Variants in KLF8 observed in about 807,000 individuals in gnomAD.
KLF8 encodes the protein KLF transcription factor 8.
KLF8 carries 10 observed loss-of-function variants against 18.2 expected under a neutral mutation model. The ratio of observed to expected loss-of-function variants is 0.55; its 90% CI spans 0.34 to 0.93. The LOEUF (loss-of-function observed/expected upper bound fraction) is 0.93. Ranked by LOEUF, KLF8 falls within the 40% of genes least tolerant of loss-of-function variation. KLF8 has a pLI of 0.02. For missense variants in KLF8, 264 were observed against 277.9 expected, an observed-to-expected ratio of 0.95 and a Z score of 0.36; for synonymous variants, 109 against 97.3, an observed-to-expected ratio of 1.12 and a Z score of -0.71.
the KLF8 span, among the ~76,000 whole-genome samples, chrX:56,200,256 C>T: frequency 9.1e-6 from 1 of 109,320 alleles, no homozygotes; most frequent in Non-Finnish European, 1.9e-5. Context: ...AACTCATAAA[C>T]GTAAACACAT....
At chrX:56,100,948 C>A in the KLF8 span, among the ~76,000 whole-genome samples, 8 of 111,833 alleles carry the variant, frequency 7.2e-5, no homozygotes, top group Admixed American at 1.9e-4. Flanking sequence ...ACTATCATTA[C>A]AATCTATTAT....
chrX:55,960,940 A>G, the KLF8 span, among the ~76,000 whole-genome samples: 1 of 111,449 alleles, frequency 9.0e-6, no homozygotes, highest in Non-Finnish European at 1.9e-5. Context: ...TCTTCAAGAG[A>G]CCCATCTCAT....
At chrX:56,100,027 C>T in the KLF8 span, among the ~76,000 whole-genome samples, 1 of 111,608 alleles carries the variant, frequency 9.0e-6, no homozygotes, top group Non-Finnish European at 1.9e-5. Context: ...ATCTGGGACT[C>T]TCATACCTAG....
At chrX:56,283,364 C>CTATTT (rs917069777) in intron 5 of KLF8, among the ~76,000 whole-genome samples, 11 of 111,188 alleles carry the variant, frequency 9.9e-5, no homozygotes, top group South Asian at 3.9e-4. Context: ...ATATATGGCT[C>CTATTT]TATTTTATTT....
In KLF8 at chrX:56,273,172, T is replaced by C. The variant is rs1315498567; in HGVS notation, c.898+2851T>C. 3.6e-5 allele frequency among the ~76,000 whole-genome samples: 4 copies of C among 111,674 alleles called. No individual in the cohort carries two copies. In the East Asian group the frequency reaches 1.1e-3, roughly 31 times the overall value. Reference sequence around the variant, plus strand: ...ATCAGTACGAACAATTATTTTTATTTTATTCTCATATTTTGTGGGTACGTA... The same window carrying C: ...ATCAGTACGAACAATTATTTTTATTCTATTCTCATATTTTGTGGGTACGTA... On this transcript the variant is annotated intron_variant, in intron 5 of 5. Transcript: ENST00000468660.
chrX:56,079,953 A>G, the KLF8 span, among the ~76,000 whole-genome samples: 3 of 110,836 alleles, frequency 2.7e-5, no homozygotes, highest in Non-Finnish European at 5.7e-5. Flanking sequence ...CTGTTTTATC[A>G]GAGACTAGGA....
the KLF8 span, among the ~76,000 whole-genome samples, chrX:56,002,231 G>A: frequency 1.8e-5 from 2 of 111,105 alleles, no homozygotes; most frequent in Non-Finnish European, 3.8e-5. Flanking sequence ...TGTTCTCTTG[G>A]CCTGGTATTC....
chrX:55,970,449 C>T, the KLF8 span, among the ~76,000 whole-genome samples: 1 of 111,128 alleles, frequency 9.0e-6, no homozygotes, highest in African/African-American at 3.3e-5. Flanking sequence ...AAGTCAAATA[C>T]AACAGATTCA....
chrX:56,214,650 C>T, the KLF8 span, among the ~76,000 whole-genome samples: 3 of 112,172 alleles, frequency 2.7e-5, no homozygotes, highest in African/African-American at 9.7e-5. Context: ...AGAAGATGGC[C>T]AATAACCTTT....
At chrX:55,923,122 T>C in the KLF8 span, among the ~76,000 whole-genome samples, 1 of 111,461 alleles carries the variant, frequency 9.0e-6, no homozygotes, top group African/African-American at 3.3e-5. Context: ...GTGGTACATA[T>C]ACACCATGGA....
the KLF8 span, among the ~76,000 whole-genome samples, chrX:56,157,295 T>A: frequency 4.6e-5 from 5 of 109,147 alleles, no homozygotes; most frequent in Non-Finnish European, 9.5e-5. Context: ...AATCACAAGT[T>A]AATGGGTGCA....
At chrX:56,209,724 C>A in the KLF8 span, among the ~76,000 whole-genome samples, 2 of 110,637 alleles carry the variant, frequency 1.8e-5, no homozygotes, top group Non-Finnish European at 3.8e-5. Context: ...TCTTTCTTTC[C>A]TTTCTGTCTT....
chrX:56,163,620 A>C, the KLF8 span, among the ~76,000 whole-genome samples: 18 of 111,381 alleles, frequency 1.6e-4, no homozygotes. Context: ...TTGATTTTTG[A>C]TTTGTTGCAG....
chrX:56,247,202 C>G (rs779317183), intron 1 of KLF8, among the ~76,000 whole-genome samples: 20 of 111,932 alleles, frequency 1.8e-4, no homozygotes, highest in Non-Finnish European at 3.0e-4. Context: ...TAGCATGTTA[C>G]TGTACTGGAC....
the KLF8 span, among the ~76,000 whole-genome samples, chrX:56,093,905 A>ATGTGTGTGTG: frequency 2.2e-5 from 2 of 89,004 alleles, no homozygotes; most frequent in African/African-American, 4.0e-5. Context: ...TATATATTAT[A>ATGTGTGTGTG]TGTGTGTGTG....
the KLF8 span, among the ~76,000 whole-genome samples, chrX:56,184,495 C>G: frequency 8.9e-6 from 1 of 112,382 alleles, no homozygotes; most frequent in African/African-American, 3.2e-5. Flanking sequence ...TGAAATGTCC[C>G]TTTCTGACAA....
At chrX:56,133,614 A>G in the KLF8 span, among the ~76,000 whole-genome samples, 2 of 111,597 alleles carry the variant, frequency 1.8e-5, no homozygotes, top group Non-Finnish European at 3.8e-5. Flanking sequence ...GAAGACAAGG[A>G]TGCCCACTCT....
the KLF8 span, among the ~76,000 whole-genome samples, chrX:56,191,007 G>T: frequency 9.0e-6 from 1 of 110,573 alleles, no homozygotes; most frequent in East Asian, 2.8e-4. Context: ...ATAATACAAA[G>T]GATCAACTAC....
At chrX:56,208,547 A>T in the KLF8 span, among the ~76,000 whole-genome samples, 10 of 110,606 alleles carry the variant, frequency 9.0e-5, no homozygotes, top group African/African-American at 2.6e-4. Context: ...GTTATTTAAG[A>T]TCCATTATTA....
Sources: gnomAD v4.1 joint callset for allele counts (sites outside exome capture counted in the v4.1 genomes callset) on GRCh38, gnomAD v4.1.1 for gene constraint, MANE v1.5 for transcripts, NCBI Gene and HGNC (gene_info 2026-07-23, HGNC 2026-07-21) for gene names.